The following HOOK3 variants were observed in gnomAD, a reference collection of about 807,000 sequenced individuals.
The protein encoded by HOOK3 is protein Hook homolog 3.
A neutral mutation model predicts 116.3 loss-of-function variants in HOOK3; 24 were observed. The ratio of observed to expected loss-of-function variants is 0.21; its 90% CI spans 0.15 to 0.29. HOOK3 has a LOEUF of 0.29. Among genes scored for constraint, HOOK3 ranks in the 10% least tolerant of loss-of-function variants. The probability of loss-of-function intolerance (pLI) is 1.00; values close to 1 mark genes in which losing one functional copy is unlikely to be tolerated. For synonymous variants in HOOK3, 275 were observed against 283.0 expected, an observed-to-expected ratio of 0.97 and a Z score of 0.28; for missense variants, 632 against 830.2, an observed-to-expected ratio of 0.76 and a Z score of 2.93.
intron 5 of HOOK3, among the ~76,000 whole-genome samples, chr8:42,944,685 G>C (rs1287714611): frequency 1.3e-5 from 2 of 151,896 alleles, no homozygotes; most frequent in African/African-American, 2.4e-5. Flanking sequence ...CGGGCGCGGT[G>C]GTGGGCGCCT....
At chr8:42,944,797 C>T (rs1808194630) in intron 5 of HOOK3, among the ~76,000 whole-genome samples, 1 of 151,752 alleles carries the variant, frequency 6.6e-6, no homozygotes. Flanking sequence ...TTAGCCTGGG[C>T]AATAGATCAA....
chr8:42,907,321 G>A (rs1423273380), intron 2 of HOOK3, among the ~76,000 whole-genome samples: 1 of 152,148 alleles, frequency 6.6e-6, no homozygotes, highest in East Asian at 1.9e-4. Flanking sequence ...CAGATTATCT[G>A]TCTCTTTGCC....
intron 2 of HOOK3, among the ~76,000 whole-genome samples, chr8:42,920,898 G>C (rs1412319651): frequency 6.6e-6 from 1 of 152,176 alleles, no homozygotes; most frequent in Non-Finnish European, 1.5e-5. Context: ...ATATAATACA[G>C]ATGTTACTGG....
At chr8:42,948,866 G>T (rs1331322185) in intron 5 of HOOK3, among the ~76,000 whole-genome samples, 1 of 152,152 alleles carries the variant, frequency 6.6e-6, no homozygotes, top group African/African-American at 2.4e-5. Context: ...TAAGAACAAT[G>T]CCTATGATTT....
Position 43,018,644 on chromosome 8 carries a change from C to T in HOOK3, c.*146C>T. ...GTTTCTCATTTTGAGGACTTTTTCT[C>T]TCTCCTGTATCTTTGTTTTAGTTTC... On this transcript the variant is annotated 3_prime_UTR_variant, in exon 22 of 22. Transcript: ENST00000307602. The T allele has an allele frequency of 1.3e-6, 1 of 773,182 alleles. No homozygotes were observed. Among genetic ancestry groups the T allele is most frequent in the Non-Finnish European group, 1.9e-6 (1 of 529,816 alleles). The allele number at this position is 773,182 out of a possible 1,614,324, so 47.9% of individuals were successfully genotyped here.
intron 1 of HOOK3, among the ~76,000 whole-genome samples, chr8:42,900,639 A>G (rs1264109967): frequency 6.6e-6 from 1 of 152,242 alleles, no homozygotes; most frequent in Non-Finnish European, 1.5e-5. Context: ...ACTGATGTAC[A>G]AAAGTTAAAG....
At position 43,028,811 on chromosome 8, in the gene HOOK3, C is replaced by G; in HGVS notation, c.*10313C>G. 5.0e-6 allele frequency: 1 copy of G among 198,826 alleles called. No individual in the cohort carries two copies. Among genetic ancestry groups the G allele is most frequent in the Middle Eastern group, 1.7e-3 (1 of 588 alleles). 12.3% of individuals were successfully genotyped at this position (198,826 alleles called of 1,614,324 possible). On this transcript the variant is annotated 3_prime_UTR_variant, in exon 22 of 22. Coordinates refer to ENST00000307602, the MANE Select transcript of HOOK3 (RefSeq NM_032410.4). ...ATAATCCTTTTGAGTCAGCTTGGTG[C>G]TTACAATTATTTTGTTAGGAAATCT...
chr8:42,917,860 G>T lies in HOOK3; in HGVS notation c.144-7697G>T, dbSNP rs1478195348. 3.3e-5 allele frequency among the ~76,000 whole-genome samples: 5 copies of T among 152,166 alleles called. No individual in the cohort carries two copies. The East Asian group carries it at 9.6e-4, about 29-fold the overall frequency. ...TTGTTTATTTTGACTTAGGGGCTTA[G>T]TGTAAATTCATTATGGATGTGAAAT... On this transcript the variant is annotated intron_variant, in intron 2 of 21. Coordinates refer to ENST00000307602, the MANE Select transcript of HOOK3 (RefSeq NM_032410.4).
At chr8:43,009,398 AAAAG>A (rs1345709798) in intron 18 of HOOK3, among the ~76,000 whole-genome samples, 1 of 152,102 alleles carries the variant, frequency 6.6e-6, no homozygotes, top group African/African-American at 2.4e-5. Flanking sequence ...TCCAAAAAAA[AAAAG>A]AAAGAAAGAA....
At chr8:42,940,036 C>T (rs555292914) in intron 4 of HOOK3, among the ~76,000 whole-genome samples, 15 of 144,026 alleles carry the variant, frequency 1.0e-4, no homozygotes, top group South Asian at 2.3e-4. Flanking sequence ...ACATCCCAGA[C>T]GGTGGGCGGC....
intron 1 of HOOK3, among the ~76,000 whole-genome samples, chr8:42,897,477 C>T (rs1807033952): frequency 6.6e-6 from 1 of 152,152 alleles, no homozygotes; most frequent in Admixed American, 6.5e-5. Context: ...CTGGGGGTGG[C>T]CGAGCCTGAC....
chr8:42,972,746 A>G (rs1427584812), intron 11 of HOOK3, among the ~76,000 whole-genome samples: 1 of 152,110 alleles, frequency 6.6e-6, no homozygotes, highest in Non-Finnish European at 1.5e-5. Context: ...TTATTTTTCC[A>G]GCTGATGAAA....
intron 9 of HOOK3, 92 bp downstream of exon 9, chr8:42,964,566 C>A: frequency 8.7e-7 from 1 of 1,148,340 alleles, no homozygotes; most frequent in Non-Finnish European, 1.2e-6. Flanking sequence ...TTGGTCCATG[C>A]CTGGAATCCC....
chr8:42,920,777 A>C (rs1807642263), intron 2 of HOOK3, among the ~76,000 whole-genome samples: 1 of 152,152 alleles, frequency 6.6e-6, no homozygotes. Flanking sequence ...AAAATTACTT[A>C]ATTTCTGAGT....
At chr8:42,926,474 C>T (rs577716936) in intron 3 of HOOK3, among the ~76,000 whole-genome samples, 5 of 152,180 alleles carry the variant, frequency 3.3e-5, no homozygotes, top group Non-Finnish European at 7.4e-5. Flanking sequence ...TTTGTAGAGA[C>T]GGGGTTTCAC....
chr8:42,926,917 C>T (rs534078304), intron 3 of HOOK3, among the ~76,000 whole-genome samples: 12 of 152,300 alleles, frequency 7.9e-5, no homozygotes, highest in Admixed American at 1.3e-4. Context: ...CCCCTAATCC[C>T]GTGCAACCCC....
chr8:43,003,785 T>C (rs1809421544), intron 17 of HOOK3, among the ~76,000 whole-genome samples: 1 of 152,216 alleles, frequency 6.6e-6, no homozygotes, highest in Admixed American at 6.5e-5. Context: ...TTTTTGGTTG[T>C]AGACAGATCA....
At position 43,028,188 on chromosome 8, in the gene HOOK3, C is replaced by T. The variant is rs987068376; in HGVS notation, c.*9690C>T. On this transcript the variant is annotated 3_prime_UTR_variant, in exon 22 of 22. Transcript: ENST00000307602. ...AGTGTTTTTTCCCTTTTTATGTAAA[C>T]TCTTTTAAAATTGATATTAGCTGGG... 5.5e-6 allele frequency: 1 copy of T among 181,570 alleles called. No homozygotes were observed. Among genetic ancestry groups the T allele is most frequent in the Non-Finnish European group, 1.2e-5 (1 of 85,422 alleles). The allele number at this position is 181,570 out of a possible 1,614,324, so 11.2% of individuals were successfully genotyped here.
intron 4 of HOOK3, among the ~76,000 whole-genome samples, chr8:42,932,996 G>T (rs36026629): frequency 0.047 from 7,183 of 152,150 alleles, 224 homozygotes; most frequent in South Asian, 0.082. Context: ...CTAGATGAAG[G>T]TACTTGCCTA....
Sources: gnomAD v4.1 joint callset for allele counts (sites outside exome capture counted in the v4.1 genomes callset) on GRCh38, gnomAD v4.1.1 for gene constraint, MANE v1.5 for transcripts, NCBI Gene and HGNC (gene_info 2026-07-23, HGNC 2026-07-21) for gene names.